HS3ST1: variants seen among roughly 807,000 people sequenced by gnomAD.
The protein encoded by HS3ST1 is heparan sulfate-glucosamine 3-sulfotransferase 1.
A neutral mutation model predicts 20.7 loss-of-function variants in HS3ST1; 8 were observed. The ratio of observed to expected loss-of-function variants is 0.39; its 90% CI spans 0.23 to 0.70. The LOEUF is 0.70. Ranked by LOEUF, HS3ST1 falls within the 30% of genes least tolerant of loss-of-function variation. HS3ST1 has a pLI of 0.46. For synonymous variants in HS3ST1, 205 were observed against 190.4 expected (o/e 1.08, Z -0.63); for missense variants, 436 against 423.4 (o/e 1.03, Z -0.26).
At chr4:11,421,451 T>C (rs1245116846) in intron 1 of HS3ST1, among the ~76,000 whole-genome samples, 2 of 152,218 alleles carry the variant, frequency 1.3e-5, no homozygotes, top group African/African-American at 4.8e-5. Flanking sequence ...CCCACTCTCA[T>C]TCCCTGCCAC....
intron 1 of HS3ST1, among the ~76,000 whole-genome samples, chr4:11,407,033 T>TA (rs773128528): frequency 4.6e-5 from 7 of 152,220 alleles, no homozygotes; most frequent in Non-Finnish European, 8.8e-5. Flanking sequence ...AAATTGGAAA[T>TA]ACGTTTAGTT....
chr4:11,428,115 T>A (rs1160994842), intron 1 of HS3ST1, among the ~76,000 whole-genome samples: 1 of 152,210 alleles, frequency 6.6e-6, no homozygotes, highest in Non-Finnish European at 1.5e-5. Context: ...ATCAAGACCC[T>A]CATGTAATTG....
chr4:11,395,487 T>G lies in HS3ST1; in HGVS notation c.*3595A>C, dbSNP rs1485400119. Reference sequence around the variant, plus strand: ...TATTAATTTATCTTTTTTTTTTTTTTTTTTTTTTGAGATGGAGTCTTGCTC... The same window carrying G: ...TATTAATTTATCTTTTTTTTTTTTTGTTTTTTTTGAGATGGAGTCTTGCTC... On this transcript the variant is annotated 3_prime_UTR_variant, in exon 2 of 2. Transcript: ENST00000002596. 20 of 141,134 alleles carry G rather than the reference T, an allele frequency of 1.4e-4. No homozygotes were observed. Among genetic ancestry groups the G allele is most frequent in the Admixed American group, 1.2e-3 (17 of 14,198 alleles). 8.7% of individuals were successfully genotyped at this position (141,134 alleles called of 1,614,324 possible).
chr4:11,409,909 A>G (rs1253849862), intron 1 of HS3ST1, among the ~76,000 whole-genome samples: 3 of 152,214 alleles, frequency 2.0e-5, no homozygotes, highest in Admixed American at 6.5e-5. Context: ...ACTCTGGCAG[A>G]TATTGTCAGA....
At chr4:11,409,902 C>G (rs1331161572) in intron 1 of HS3ST1, among the ~76,000 whole-genome samples, 2 of 152,206 alleles carry the variant, frequency 1.3e-5, no homozygotes, top group Non-Finnish European at 2.9e-5. Context: ...GCTGCCAACT[C>G]TGGCAGATAT....
rs1188379272 is a variant in HS3ST1 at position 11,399,364 on chromosome 4, A to G, written c.642T>C (p.Ile214=). 1.2e-6 allele frequency: 2 copies of G among 1,614,016 alleles called. No individual in the cohort carries two copies. Among genetic ancestry groups the G allele is most frequent in the Non-Finnish European group, 1.7e-6 (2 of 1,180,012 alleles). The change falls in exon 2 of 2, where the codon ATT becomes ATC. Residue 214 remains isoleucine (I), a synonymous_variant. Coordinates refer to ENST00000002596, the MANE Select transcript of HS3ST1 (RefSeq NM_005114.4). This position sits in a 1 kb window ranked among gnomAD's most constrained non-coding sequence, Gnocchi z 5.1. ...LRFFPLRHIH[I]VDGDRLIRDP... ...CCCTGATGAGGCGGTCGCCGTCCAC[A>G]ATGTGGATGTGGCGCAGCGGGAAAA...
chr4:11,402,306 C>G (rs1045141711), intron 1 of HS3ST1, among the ~76,000 whole-genome samples: 1 of 152,284 alleles, frequency 6.6e-6, no homozygotes, highest in African/African-American at 2.4e-5. Context: ...TGATGTAACT[C>G]TTTAAGAAAA....
At chr4:11,426,313 A>G (rs1719057269) in intron 1 of HS3ST1, among the ~76,000 whole-genome samples, 1 of 151,262 alleles carries the variant, frequency 6.6e-6, no homozygotes, top group East Asian at 1.9e-4. Context: ...GTCACCATCG[A>G]GTTTCAATTC....
At chr4:11,430,198 G>C (rs975715299), upstream of HS3ST1, among the ~76,000 whole-genome samples, 9 of 152,172 alleles carry the variant, frequency 5.9e-5, no homozygotes, top group African/African-American at 2.2e-4. Flanking sequence ...CACCCTGAAA[G>C]CTGAGACCTA....
At chr4:11,426,238 A>C (rs1416389302) in intron 1 of HS3ST1, among the ~76,000 whole-genome samples, 3 of 152,098 alleles carry the variant, frequency 2.0e-5, no homozygotes, top group Non-Finnish European at 4.4e-5. Flanking sequence ...CTATGTTCTC[A>C]GAAAGGCAGT....
rs553351943 is a variant in HS3ST1, at chr4:11,413,365, C to T, written c.-108-13252G>A. 7.2e-4 allele frequency among the ~76,000 whole-genome samples: 109 copies of T among 151,864 alleles called. 1 individual carries two copies. Among genetic ancestry groups the T allele is most frequent in the South Asian group, 2.7e-3 (13 of 4,800 alleles). ...TCTGCTTGCTTAAATGAGGTATGGA[C>T]GATTGGGAGTGAGTAGAATTGCTTA... is the stretch of plus-strand genomic sequence containing the variant. On this transcript the variant is annotated intron_variant, in intron 1 of 1. Coordinates refer to ENST00000002596, the MANE Select transcript of HS3ST1 (RefSeq NM_005114.4).
chr4:11,404,879 C>T (rs1456968119), intron 1 of HS3ST1, among the ~76,000 whole-genome samples: 1 of 152,210 alleles, frequency 6.6e-6, no homozygotes, highest in Non-Finnish European at 1.5e-5. Context: ...CTGTAATCCT[C>T]ACTGCAAGTC....
Position 11,423,021 on chromosome 4 carries a change from C to CAAAAAAAAAAA in HS3ST1, c.-109+5667_-109+5677dup, listed in dbSNP as rs71181101. On this transcript the variant is annotated intron_variant, in intron 1 of 1. Coordinates refer to ENST00000002596, the MANE Select transcript of HS3ST1 (RefSeq NM_005114.4). ...CAGGGCAACAAGAGCGAGACACCGTCAAAAAAAAAAAAAAAAAAAAAAAAA... is the reference window on the plus strand; with the variant it reads ...CAGGGCAACAAGAGCGAGACACCGTCAAAAAAAAAAAAAAAAAAAAAAAAAAAAAAAAAAAA... 1.5e-4 allele frequency among the ~76,000 whole-genome samples: 5 copies of CAAAAAAAAAAA among 34,392 alleles called. 1 individual carries two copies. Among genetic ancestry groups the CAAAAAAAAAAA allele is most frequent in the African/African-American group, 3.6e-4 (3 of 8,306 alleles). The allele number at this position is 34,392 out of a possible 152,430, so 22.6% of individuals were successfully genotyped here. A position where few individuals can be genotyped will look rare whatever the true frequency, so the allele number is the denominator to read the frequency against.
At position 11,394,822 on chromosome 4, in the gene HS3ST1, T is replaced by C. The variant is rs551558144; in HGVS notation, c.*4260A>G. 5 of 152,216 alleles carry C rather than the reference T, an allele frequency of 3.3e-5. No individual in the cohort carries two copies. The highest frequency in any genetic ancestry group is 2.1e-4 in the South Asian group (1 of 4,832). The allele number at this position is 152,216 out of a possible 1,614,324, so 9.4% of individuals were successfully genotyped here. A position where few individuals can be genotyped will look rare whatever the true frequency, so the allele number is the denominator to read the frequency against. On this transcript the variant is annotated 3_prime_UTR_variant, in exon 2 of 2. Transcript: ENST00000002596. Reference sequence around the variant, plus strand: ...TTCTGAGTTTATTTTTCTGTAAAATTAGTAGCCCATTTTCTACTTCCTAGG... The same window carrying C: ...TTCTGAGTTTATTTTTCTGTAAAATCAGTAGCCCATTTTCTACTTCCTAGG...
In HS3ST1 at chr4:11,428,159, T is replaced by C. The variant is rs1056703365; in HGVS notation, c.-109+540A>G. 6.2e-5 allele frequency among the ~76,000 whole-genome samples: 9 copies of C among 146,044 alleles called. No individual in the cohort carries two copies. The East Asian group carries it at 1.4e-3, about 22-fold the overall frequency. ...GATGAGAGGTTTATTGTCAGGGCTG[T>C]CACCTCAATCTCTCTCTTTGGGAGA... is the stretch of plus-strand genomic sequence containing the variant. On this transcript the variant is annotated intron_variant, in intron 1 of 1. Coordinates refer to ENST00000002596, the MANE Select transcript of HS3ST1 (RefSeq NM_005114.4).
At chr4:11,401,924 C>T (rs560340284) in intron 1 of HS3ST1, among the ~76,000 whole-genome samples, 118 of 152,256 alleles carry the variant, frequency 7.8e-4, no homozygotes, top group African/African-American at 2.8e-3. Flanking sequence ...CTGTGTTTCA[C>T]GCTATCCCCT....
Position 11,397,239 on chromosome 4 carries a change from G to A in HS3ST1, c.*1843C>T, listed in dbSNP as rs1441516775. 1 of 152,260 alleles carries A rather than the reference G, an allele frequency of 6.6e-6. No individual in the cohort carries two copies. Among genetic ancestry groups the A allele is most frequent in the Non-Finnish European group, 1.5e-5 (1 of 68,084 alleles). The allele number at this position is 152,260 out of a possible 1,614,324, so 9.4% of individuals were successfully genotyped here. A position where few individuals can be genotyped will look rare whatever the true frequency, so the allele number is the denominator to read the frequency against. Reference sequence around the variant, plus strand: ...TTCTGCTACTTCCTCTGGGGGAGATGATGGCTTAATGACAACTTCAATGGA... The same window carrying A: ...TTCTGCTACTTCCTCTGGGGGAGATAATGGCTTAATGACAACTTCAATGGA... On this transcript the variant is annotated 3_prime_UTR_variant, in exon 2 of 2. Transcript: ENST00000002596.
At chr4:11,424,933 A>C (rs956629399) in intron 1 of HS3ST1, among the ~76,000 whole-genome samples, 18 of 152,090 alleles carry the variant, frequency 1.2e-4, no homozygotes, top group African/African-American at 4.3e-4. Context: ...CCAACTGCTT[A>C]GAAGGGTTTT....
At chr4:11,418,196 G>A (rs1718837305) in intron 1 of HS3ST1, among the ~76,000 whole-genome samples, 1 of 152,206 alleles carries the variant, frequency 6.6e-6, no homozygotes, top group Admixed American at 6.5e-5. Context: ...CCACCTGGAG[G>A]GGAGGATCGG....
Sources: gnomAD v4.1 joint callset for allele counts (sites outside exome capture counted in the v4.1 genomes callset) on GRCh38, gnomAD v4.1.1 for gene constraint, Gnocchi (gnomAD v3.1) non-coding constraint, MANE v1.5 for transcripts, NCBI Gene and HGNC (gene_info 2026-07-23, HGNC 2026-07-21) for gene names.